The following NFIB variants were observed in gnomAD, a reference collection of about 807,000 sequenced individuals.
NFIB encodes the protein nuclear factor I B.
Under a neutral mutation model 61.5 loss-of-function variants are expected in NFIB, and 11 were observed. The observed-to-expected ratio is 0.18, with a 90% CI of 0.11 to 0.30. The LOEUF is 0.30. Ranked by LOEUF, NFIB falls within the 10% of genes least tolerant of loss-of-function variation. The pLI is 1.00. For synonymous variants in NFIB, 260 were observed against 216.5 expected (o/e 1.20, Z -1.76); for missense variants, 471 against 608.9 (o/e 0.77, Z 2.38).
At chr9:14,451,882 T>A in the NFIB span, among the ~76,000 whole-genome samples, 15 of 152,286 alleles carry the variant, frequency 9.8e-5, no homozygotes, top group Admixed American at 2.0e-4. Context: ...CTTATTTTTT[T>A]TTTTGCAAGT....
intron 7 of NFIB, among the ~76,000 whole-genome samples, chr9:14,123,404 T>G (rs1336082842): frequency 6.6e-6 from 1 of 152,236 alleles, no homozygotes; most frequent in Non-Finnish European, 1.5e-5. Flanking sequence ...TCAGTCTTGC[T>G]CCTTCCAAAA....
At chr9:14,481,220 T>C in the NFIB span, among the ~76,000 whole-genome samples, 3 of 108,798 alleles carry the variant, frequency 2.8e-5, 1 homozygote, top group Non-Finnish European at 5.9e-5. Flanking sequence ...TATATATATA[T>C]ATATATATAT....
At chr9:14,188,515 G>T (rs779558468) in intron 2 of NFIB, among the ~76,000 whole-genome samples, 1 of 152,150 alleles carries the variant, frequency 6.6e-6, no homozygotes, top group Non-Finnish European at 1.5e-5. Context: ...ATTTCTTTTC[G>T]AATTTTATGA....
chr9:14,313,949 G>A lies in NFIB; in HGVS notation c.-438C>T. ...AAAATGCTTTTTCAAAAAAGGCGGG[G>A]AGGGGGGCGCGGGAGGGCGCAGGAG... On this transcript the variant is annotated 5_prime_UTR_variant, in exon 1 of 11. Coordinates refer to ENST00000380953, the MANE Select transcript of NFIB (RefSeq NM_001190737.2). This position sits in a 1 kb window ranked among gnomAD's most constrained non-coding sequence, Gnocchi z 4.5. 1.9e-6 allele frequency: 2 copies of A among 1,065,106 alleles called. No individual in the cohort carries two copies. The highest frequency in any genetic ancestry group is 2.3e-6 in the Non-Finnish European group (2 of 880,700). The allele number at this position is 1,065,106 out of a possible 1,614,324, so 66.0% of individuals were successfully genotyped here.
intron 2 of NFIB, among the ~76,000 whole-genome samples, chr9:14,224,048 C>T (rs2052042172): frequency 6.6e-6 from 1 of 152,178 alleles, no homozygotes; most frequent in South Asian, 2.1e-4. Flanking sequence ...AAGGTCACAT[C>T]AAAATAAAAC....
chr9:14,206,882 T>C (rs1321104296), intron 2 of NFIB, among the ~76,000 whole-genome samples: 1 of 152,082 alleles, frequency 6.6e-6, no homozygotes, highest in African/African-American at 2.4e-5. Flanking sequence ...GCATATAAAA[T>C]TGTCACCTAC....
the NFIB span, chr9:14,531,970 T>A: frequency 6.6e-6 from 1 of 152,434 alleles, no homozygotes; most frequent in Admixed American, 6.5e-5. Flanking sequence ...CTGGCTGACA[T>A]GTCATAACAT....
intron 10 of NFIB, among the ~76,000 whole-genome samples, chr9:14,097,868 C>CTTTTT (rs2035082122): frequency 1.7e-5 from 2 of 121,002 alleles, no homozygotes; most frequent in Non-Finnish European, 1.8e-5. Flanking sequence ...TTCTTTCTTT[C>CTTTTT]TTTTTTCTTT....
intron 3 of NFIB, among the ~76,000 whole-genome samples, chr9:14,173,684 T>C (rs2045828361): frequency 6.6e-6 from 1 of 152,218 alleles, no homozygotes; most frequent in South Asian, 2.1e-4. Flanking sequence ...AATGGCTGTC[T>C]CTGCTTCTAA....
chr9:14,186,830 T>C (rs1211575258), intron 2 of NFIB, among the ~76,000 whole-genome samples: 1 of 152,176 alleles, frequency 6.6e-6, no homozygotes, highest in Non-Finnish European at 1.5e-5. Context: ...GCTTCATTGC[T>C]TTGGGTGACA....
At chr9:14,461,795 C>T in the NFIB span, among the ~76,000 whole-genome samples, 5 of 152,178 alleles carry the variant, frequency 3.3e-5, no homozygotes, top group Middle Eastern at 3.2e-3. Context: ...GCCTGGGGCA[C>T]TTATTCCACC....
chr9:14,190,300 T>C (rs181904378), intron 2 of NFIB, among the ~76,000 whole-genome samples: 204 of 152,276 alleles, frequency 1.3e-3, no homozygotes, highest in African/African-American at 4.6e-3. Flanking sequence ...TCAAGATGCA[T>C]AGCAATTAAC....
intron 1 of NFIB, among the ~76,000 whole-genome samples, chr9:14,359,569 A>G (rs2061214920): frequency 6.6e-6 from 1 of 152,172 alleles, no homozygotes; most frequent in African/African-American, 2.4e-5. Flanking sequence ...GGCCTCCATA[A>G]ATGTGAGATA....
In NFIB at chr9:14,395,453, G is replaced by T. The variant is rs140244641; in HGVS notation, c.108+3071C>A. ...CCAATACCAGCTCTGAGAGCTGGCA[G>T]GGGCTTTGTGGCCTGGATGAATTCA... On this transcript the variant is annotated intron_variant, in intron 1 of 8. Transcript: ENST00000380934. Among the ~76,000 whole-genome samples, 271 of 152,206 alleles carry T rather than the reference G, an allele frequency of 1.8e-3. 2 individuals carry two copies. The highest frequency in any genetic ancestry group is 6.2e-3 in the African/African-American group (257 of 41,546).
intron 2 of NFIB, among the ~76,000 whole-genome samples, chr9:14,237,920 ACAG>A (rs2053957190): frequency 6.8e-6 from 1 of 147,478 alleles, no homozygotes; most frequent in African/African-American, 2.5e-5. Flanking sequence ...TCTGGGCAAA[ACAG>A]CAGATTATCA....
the NFIB span, among the ~76,000 whole-genome samples, chr9:14,472,275 A>G: frequency 1.3e-5 from 2 of 152,208 alleles, no homozygotes; most frequent in Admixed American, 6.5e-5. Flanking sequence ...GGTCCAAGTT[A>G]TGGACGAAAG....
intron 1 of NFIB, chr9:14,361,481 T>G (rs1042624697): frequency 6.6e-6 from 1 of 152,194 alleles, no homozygotes; most frequent in Non-Finnish European, 1.5e-5. Context: ...TTCTGAATAT[T>G]TTCATGAACA....
chr9:14,142,406 C>T (rs529322410), intron 6 of NFIB, among the ~76,000 whole-genome samples: 10 of 152,264 alleles, frequency 6.6e-5, no homozygotes, highest in Admixed American at 6.5e-4. Context: ...GCCAATAAAC[C>T]TCTTCCTTTT....
intron 3 of NFIB, among the ~76,000 whole-genome samples, chr9:14,160,578 T>C (rs1047445979): frequency 5.3e-5 from 8 of 152,132 alleles, no homozygotes; most frequent in African/African-American, 1.9e-4. Context: ...AACAGATTTG[T>C]CATCCAATGG....
Sources: allele counts gnomAD v4.1 joint callset (sites outside exome capture counted in the v4.1 genomes callset), GRCh38; gene constraint gnomAD v4.1.1; non-coding constraint Gnocchi (gnomAD v3.1); transcripts MANE v1.5; gene names NCBI Gene and HGNC (gene_info 2026-07-23, HGNC 2026-07-21).